Variants in CYP39A1 observed in about 807,000 individuals in gnomAD.
The protein encoded by CYP39A1 is 24-hydroxycholesterol 7-alpha-hydroxylase.
In CYP39A1, 49 loss-of-function variants were observed where a neutral mutation model predicts 58.1. The observed-to-expected ratio is 0.84, with a 90% CI of 0.67 to 1.07. The LOEUF is 1.07. Among genes scored for constraint, CYP39A1 ranks in the 50% least tolerant of loss-of-function variants. The probability of loss-of-function intolerance (pLI) is 0.00; values close to 1 mark genes in which losing one functional copy is unlikely to be tolerated. For synonymous variants in CYP39A1, 209 were observed against 187.6 expected (o/e 1.11, Z -0.93); for missense variants, 531 against 539.4 (o/e 0.98, Z 0.16).
At chr6:46,594,735 T>C (rs539258830) in intron 8 of CYP39A1, among the ~76,000 whole-genome samples, 13 of 152,028 alleles carry the variant, frequency 8.6e-5, no homozygotes, top group South Asian at 8.3e-4. Flanking sequence ...AAAGACCCCA[T>C]GACAGTGATC....
intron 7 of CYP39A1, among the ~76,000 whole-genome samples, chr6:46,596,967 T>C (rs898721362): frequency 4.4e-4 from 67 of 152,288 alleles, no homozygotes; most frequent in African/African-American, 1.5e-3. Flanking sequence ...CGCATTTCTC[T>C]TTTTCACATT....
At chr6:46,596,850 A>T (rs1773199514) in intron 7 of CYP39A1, among the ~76,000 whole-genome samples, 1 of 152,164 alleles carries the variant, frequency 6.6e-6, no homozygotes, top group African/African-American at 2.4e-5. Context: ...TTCAAGTAAA[A>T]TGTTTGCATT....
In CYP39A1 at chr6:46,550,261, A is replaced by C; in HGVS notation, c.*105T>G. 1.2e-6 allele frequency: 1 copy of C among 849,286 alleles called. No homozygotes were observed. Among genetic ancestry groups the C allele is most frequent in the South Asian group, 1.8e-5 (1 of 54,946 alleles). 52.6% of individuals were successfully genotyped at this position (849,286 alleles called of 1,614,324 possible). A position where few individuals can be genotyped will look rare whatever the true frequency, so the allele number is the denominator to read the frequency against. ...ATGTGTTCTTGAACTAAGTCCTAAA[A>C]CAAAGTGAAGCAGTGTGTTTTTGTA... On this transcript the variant is annotated 3_prime_UTR_variant, in exon 12 of 12. Coordinates refer to ENST00000275016, the MANE Select transcript of CYP39A1 (RefSeq NM_016593.5).
chr6:46,619,643 C>G (rs1017997385), intron 7 of CYP39A1, among the ~76,000 whole-genome samples: 2 of 152,046 alleles, frequency 1.3e-5, no homozygotes, highest in African/African-American at 4.8e-5. Flanking sequence ...GCACAGGAAT[C>G]TTACTGAATT....
intron 10 of CYP39A1, chr6:46,583,030 G>C: frequency 1.0e-6 from 1 of 981,418 alleles, no homozygotes; most frequent in Non-Finnish European, 1.2e-6. Flanking sequence ...ATTTTCATTA[G>C]GAACTCAAGA....
chr6:46,569,557 T>C (rs1437876896), intron 10 of CYP39A1, among the ~76,000 whole-genome samples: 1 of 152,086 alleles, frequency 6.6e-6, no homozygotes, highest in Non-Finnish European at 1.5e-5. Flanking sequence ...TATACTCGAT[T>C]TGTTGACAGT....
At position 46,636,223 on chromosome 6, in the gene CYP39A1, T is replaced by A. The variant is rs148579192; in HGVS notation, c.732+166A>T. ...AATAGGATACCTCTTCTACATAGGT[T>A]GTTGTGATGATGTAACAGTGAAATA... On this transcript the variant is annotated intron_variant, in intron 5 of 11. Coordinates refer to ENST00000275016, the MANE Select transcript of CYP39A1 (RefSeq NM_016593.5). 9.8e-5 allele frequency among the ~76,000 whole-genome samples: 15 copies of A among 152,322 alleles called. No individual in the cohort carries two copies. In the East Asian group the frequency reaches 2.7e-3, roughly 27 times the overall value.
chr6:46,598,308 C>T (rs1773291350), intron 7 of CYP39A1, among the ~76,000 whole-genome samples: 1 of 152,154 alleles, frequency 6.6e-6, no homozygotes, highest in South Asian at 2.1e-4. Flanking sequence ...TAAAAGATAA[C>T]TAGCTATATA....
At position 46,587,098 on chromosome 6, in the gene CYP39A1, C is replaced by T; in HGVS notation, c.1229G>A (p.Gly410Glu). The change falls in exon 10 of 12, where the codon GGG becomes GAG. Residue 410 changes from glycine (G) to glutamate (E), a missense_variant. By Grantham distance (98) the Gly-to-Glu change is moderately conservative (BLOSUM62 -2). Transcript: ENST00000275016. ...FLDCFMAFGS[G>E]KFQCPARWFA... ...TGACCTTGCAGGACACTGGAACTTC[C>T]CGCTTCCAAATGCCATGAAGCAGTC... 1.9e-6 allele frequency: 3 copies of T among 1,611,750 alleles called. No homozygotes were observed. Among genetic ancestry groups the T allele is most frequent in the African/African-American group, 2.7e-5 (2 of 74,992 alleles).
rs371505179 is a variant in CYP39A1, at chr6:46,587,161, C to A, written c.1166G>T (p.Arg389Leu). 1 of 1,606,528 alleles carries A rather than the reference C, an allele frequency of 6.2e-7. No individual in the cohort carries two copies. Among genetic ancestry groups the A allele is most frequent in the African/African-American group, 1.3e-5 (1 of 74,778 alleles). ...CTTCTCTAAATTTGCCTTTTTCCAA[C>A]GTTCCTGTGGGAAGAAAACATTTTT... ...FPEPELFKPE[R>L]WKKANLEKHS... The change falls in exon 10 of 12, where the codon CGT becomes CTT. Residue 389 changes from arginine to leucine, a missense_variant. Coordinates refer to ENST00000275016, the MANE Select transcript of CYP39A1 (RefSeq NM_016593.5).
At chr6:46,605,898 C>A (rs1375671299) in intron 7 of CYP39A1, among the ~76,000 whole-genome samples, 1 of 152,152 alleles carries the variant, frequency 6.6e-6, no homozygotes, top group Admixed American at 6.5e-5. Flanking sequence ...TCAAACAATT[C>A]CTCTACTTTT....
chr6:46,616,778 C>T (rs1323506796), intron 7 of CYP39A1, among the ~76,000 whole-genome samples: 11 of 151,930 alleles, frequency 7.2e-5, no homozygotes, highest in Non-Finnish European at 1.2e-4. Flanking sequence ...GAGATGAGGT[C>T]GTTGAGTTAG....
At chr6:46,563,090 A>G (rs1420806302) in intron 10 of CYP39A1, among the ~76,000 whole-genome samples, 1 of 151,332 alleles carries the variant, frequency 6.6e-6, no homozygotes, top group Non-Finnish European at 1.5e-5. Context: ...TCAATTCACC[A>G]CTAAAGTTTT....
chr6:46,625,123 G>C (rs1026205589), intron 7 of CYP39A1, among the ~76,000 whole-genome samples: 1 of 152,008 alleles, frequency 6.6e-6, no homozygotes, highest in Admixed American at 6.6e-5. Flanking sequence ...GAGGATCCAA[G>C]ACATTAGAAG....
intron 7 of CYP39A1, among the ~76,000 whole-genome samples, chr6:46,610,386 GGCTGGAGTGCA>G (rs1354827890): frequency 6.6e-6 from 1 of 152,164 alleles, no homozygotes; most frequent in Non-Finnish European, 1.5e-5. Context: ...TTGTTGCCCA[GGCTGGAGTGCA>G]GTGGCACTAT....
intron 10 of CYP39A1, among the ~76,000 whole-genome samples, chr6:46,565,092 T>C (rs1771204409): frequency 6.6e-6 from 1 of 152,064 alleles, no homozygotes; most frequent in African/African-American, 2.4e-5. Flanking sequence ...ACCCCCAAAG[T>C]TTCTGAGTCG....
At chr6:46,562,163 C>T (rs1377858937) in intron 10 of CYP39A1, among the ~76,000 whole-genome samples, 1 of 152,078 alleles carries the variant, frequency 6.6e-6, no homozygotes, top group African/African-American at 2.4e-5. Flanking sequence ...GCTGGGATTA[C>T]AGGCACCTGC....
At chr6:46,572,715 T>C (rs995203546) in intron 10 of CYP39A1, among the ~76,000 whole-genome samples, 2 of 152,156 alleles carry the variant, frequency 1.3e-5, no homozygotes, top group African/African-American at 2.4e-5. Flanking sequence ...CTCTCAGGGT[T>C]CGGGAAAATT....
chr6:46,598,868 G>GC (rs1358431276), intron 7 of CYP39A1, among the ~76,000 whole-genome samples: 1 of 152,130 alleles, frequency 6.6e-6, no homozygotes, highest in African/African-American at 2.4e-5. Context: ...TTAGAGCAGT[G>GC]CCCGGTATGT....
Sources: allele counts gnomAD v4.1 joint callset (sites outside exome capture counted in the v4.1 genomes callset), GRCh38; gene constraint gnomAD v4.1.1; transcripts MANE v1.5; gene names NCBI Gene and HGNC (gene_info 2026-07-23, HGNC 2026-07-21).